The following ITGA11 variants were observed in gnomAD, a reference collection of about 807,000 sequenced individuals.
The protein encoded by ITGA11 is integrin alpha-11.
In ITGA11, 97 loss-of-function variants were observed where a neutral mutation model predicts 141.9. The ratio of observed to expected loss-of-function variants is 0.68; its 90% CI spans 0.58 to 0.81. The LOEUF (loss-of-function observed/expected upper bound fraction) is 0.81. Among genes scored for constraint, ITGA11 ranks in the 30% least tolerant of loss-of-function variants. ITGA11 has a pLI of 0.00. For missense variants in ITGA11, 1,387 were observed against 1,559.2 expected, an observed-to-expected ratio of 0.89 and a Z score of 1.86; for synonymous variants, 658 against 624.6, an observed-to-expected ratio of 1.05 and a Z score of -0.80.
chr15:68,325,153 C>T lies in ITGA11; in HGVS notation c.2300G>A (p.Trp767Ter). ...TACCGAGACTCTGAGAGTGGTGGGC[C>T]AGCCGTCGTCCAGCATGGGGCCATG... ...PDHGPMLDDG[W>*]PTTLRVSVPF... is the part of the protein sequence containing the mutation. Residue 767 changes from tryptophan to a stop codon, truncating the protein, a stop_gained, in exon 18 of 30, where the codon TGG becomes TAG. Coordinates refer to ENST00000315757, the MANE Select transcript of ITGA11 (RefSeq NM_001004439.2). LOFTEE classifies it high-confidence loss of function. This position sits in a 1 kb window ranked among gnomAD's most constrained non-coding sequence, Gnocchi z 5.5. 1 of 1,613,812 alleles carries T rather than the reference C, an allele frequency of 6.2e-7. No individual in the cohort carries two copies. Among genetic ancestry groups the T allele is most frequent in the Non-Finnish European group, 8.5e-7 (1 of 1,179,798 alleles).
intron 7 of ITGA11, among the ~76,000 whole-genome samples, chr15:68,351,716 T>G (rs1894916606): frequency 6.6e-6 from 1 of 151,322 alleles, no homozygotes; most frequent in Non-Finnish European, 1.5e-5. Context: ...CAGGGGCAAG[T>G]GGCAACCTTT....
chr15:68,427,422 C>A (rs921029597), intron 1 of ITGA11, among the ~76,000 whole-genome samples: 2 of 152,074 alleles, frequency 1.3e-5, no homozygotes, highest in African/African-American at 2.4e-5. Context: ...CCAGAGTCAC[C>A]CAGGTAGAAA....
chr15:68,317,387 T>C (rs1274777754), intron 20 of ITGA11, 24 bp from the exon 21 acceptor site: 2 of 1,532,378 alleles, frequency 1.3e-6, no homozygotes, highest in Admixed American at 3.3e-5. Context: ...GCAGACATCA[T>C]GGCAGCAGTT....
In ITGA11 at chr15:68,321,806, G is replaced by A. The variant is rs1191638666; in HGVS notation, c.2323-303C>T. Among the ~76,000 whole-genome samples, 1 of 152,198 alleles carries A rather than the reference G, an allele frequency of 6.6e-6. No individual in the cohort carries two copies. Among genetic ancestry groups the A allele is most frequent in the African/African-American group, 2.4e-5 (1 of 41,434 alleles). ...CATTTATTGATCATCTACTGTGTGT[G>A]GGCAAGGGCTTTGGTACTGGGGATA... On this transcript the variant is annotated intron_variant, in intron 18 of 29. Coordinates refer to ENST00000315757, the MANE Select transcript of ITGA11 (RefSeq NM_001004439.2). This position sits in a 1 kb window ranked among gnomAD's most constrained non-coding sequence, Gnocchi z 4.9.
chr15:68,401,806 T>C (rs556776202), intron 2 of ITGA11, among the ~76,000 whole-genome samples: 2 of 152,290 alleles, frequency 1.3e-5, no homozygotes, highest in South Asian at 2.1e-4. Context: ...AAGTTGCACA[T>C]TCAAAATGCC....
At chr15:68,398,762 CATAGTATAAAATGAAATGA>C (rs1342364791) in intron 2 of ITGA11, among the ~76,000 whole-genome samples, 7 of 145,612 alleles carry the variant, frequency 4.8e-5, no homozygotes, top group Non-Finnish European at 9.0e-5. Flanking sequence ...TAACTATATT[CATAGTATAAAATGAAATGA>C]ATAGTATAAA....
At chr15:68,377,303 G>A (rs148690349) in intron 2 of ITGA11, among the ~76,000 whole-genome samples, 1,630 of 152,130 alleles carry the variant, frequency 0.011, 37 homozygotes, top group African/African-American at 0.037. Flanking sequence ...ACAGAGTATC[G>A]CTCTGTTGCC....
chr15:68,331,566 C>T (rs768698501), intron 14 of ITGA11, among the ~76,000 whole-genome samples: 5 of 150,072 alleles, frequency 3.3e-5, no homozygotes, highest in African/African-American at 4.9e-5. Flanking sequence ...CATGTGTGCG[C>T]GTCTCGGGGG....
At chr15:68,421,813 C>T (rs4477640) in intron 1 of ITGA11, among the ~76,000 whole-genome samples, 20,913 of 152,082 alleles carry the variant, frequency 0.14, 4,169 homozygotes, top group African/African-American at 0.44. Context: ...ATTATTATTA[C>T]GTGTTTATTA....
At chr15:68,340,932 C>G (rs941994941) in intron 10 of ITGA11, 1 of 152,204 alleles carries the variant, frequency 6.6e-6, no homozygotes, top group Non-Finnish European at 1.5e-5. Context: ...GGGGTGGGGG[C>G]AGACTGTCTG....
At position 68,372,865 on chromosome 15, in the gene ITGA11, G is replaced by T. The variant is rs998847926; in HGVS notation, c.165-3581C>A. 2.6e-5 allele frequency among the ~76,000 whole-genome samples: 4 copies of T among 152,050 alleles called. No individual in the cohort carries two copies. In the South Asian group the frequency reaches 8.3e-4, roughly 32 times the overall value. ...CAGCTCCATTCTTCCAGGCAGTTTTGGTCTCTAAACTTTTAAAATTCAATC... is the reference window on the plus strand; with the variant it reads ...CAGCTCCATTCTTCCAGGCAGTTTTTGTCTCTAAACTTTTAAAATTCAATC... On this transcript the variant is annotated intron_variant, in intron 2 of 29. Coordinates refer to ENST00000315757, the MANE Select transcript of ITGA11 (RefSeq NM_001004439.2).
chr15:68,364,984 G>T (rs11635699), intron 3 of ITGA11, among the ~76,000 whole-genome samples, 186 bp from the exon 4 acceptor site: 3,042 of 140,418 alleles, frequency 0.022, 56 homozygotes, highest in Non-Finnish European at 0.032. Context: ...CTGCCTGTGA[G>T]ATGAGAAAAC....
chr15:68,312,185 C>T (rs956374470), intron 24 of ITGA11, among the ~76,000 whole-genome samples: 1 of 152,218 alleles, frequency 6.6e-6, no homozygotes, highest in South Asian at 2.1e-4. Context: ...GTGGCAGAAC[C>T]GAGACAAAAG....
chr15:68,383,143 C>A (rs1209988017), intron 2 of ITGA11, among the ~76,000 whole-genome samples: 2 of 152,132 alleles, frequency 1.3e-5, no homozygotes, highest in Non-Finnish European at 2.9e-5. Context: ...TGGTGGCGGG[C>A]ACCTGTAGTC....
chr15:68,328,367 C>G lies in ITGA11; in HGVS notation c.1902-105G>C. The G allele has an allele frequency of 1.0e-6, 1 of 965,100 alleles. No homozygotes were observed. Among genetic ancestry groups the G allele is most frequent in the Admixed American group, 2.5e-5 (1 of 39,340 alleles). 59.8% of individuals were successfully genotyped at this position (965,100 alleles called of 1,614,324 possible). On this transcript the variant is annotated intron_variant, in intron 15 of 29. Transcript: ENST00000315757. The surrounding 1 kb of genome is among the most constrained non-coding windows in gnomAD (Gnocchi z 4.8). ...CAGATGCGAGTGGGATCTGCAAAGC[C>G]ACTGGAGGGGGTGAGGTGGAGGATG...
intron 2 of ITGA11, among the ~76,000 whole-genome samples, chr15:68,400,141 A>C (rs1896430898): frequency 6.6e-6 from 1 of 152,154 alleles, no homozygotes; most frequent in African/African-American, 2.4e-5. Flanking sequence ...ATTTTCAACA[A>C]AGATGTCACT....
At position 68,402,938 on chromosome 15, in the gene ITGA11, G is replaced by A. The variant is rs377373505; in HGVS notation, c.144C>T (p.His48=). ...CTCACCACTTATTGCCACTGATGTC[G>A]TGCTGCTGCACTGTGTAGCCAAAGA... The part of the protein sequence containing the change: ...TAFFGYTVQQ[H]DISGNKWLVV... Residue 48 remains histidine (H), a synonymous_variant, in exon 2 of 30, where the codon CAC becomes CAT. Coordinates refer to ENST00000315757, the MANE Select transcript of ITGA11 (RefSeq NM_001004439.2). The A allele has an allele frequency of 3.0e-4, 491 of 1,613,110 alleles. No homozygotes were observed. Among genetic ancestry groups the A allele is most frequent in the Non-Finnish European group, 3.8e-4 (448 of 1,179,394 alleles).
intron 20 of ITGA11, among the ~76,000 whole-genome samples, chr15:68,319,853 G>T (rs567752093): frequency 6.6e-6 from 1 of 152,318 alleles, no homozygotes; most frequent in South Asian, 2.1e-4. Flanking sequence ...AAAGCCTCCC[G>T]ATGCCAGGCC....
chr15:68,417,042 C>A (rs2140431542), intron 1 of ITGA11, among the ~76,000 whole-genome samples: 1 of 151,718 alleles, frequency 6.6e-6, no homozygotes, highest in Admixed American at 6.5e-5. Flanking sequence ...TTTTTTGAGA[C>A]AGAGTCTTGC....
Sources: allele counts gnomAD v4.1 joint callset (sites outside exome capture counted in the v4.1 genomes callset), GRCh38; gene constraint gnomAD v4.1.1; non-coding constraint Gnocchi (gnomAD v3.1); transcripts MANE v1.5; gene names NCBI Gene and HGNC (gene_info 2026-07-23, HGNC 2026-07-21).